Variants in CYTH2 observed in about 807,000 individuals in gnomAD.
The protein encoded by CYTH2 is cytohesin-2.
Under a neutral mutation model 55.4 loss-of-function variants are expected in CYTH2, and 24 were observed. The ratio of observed to expected loss-of-function variants is 0.43; its 90% confidence interval spans 0.31 to 0.61. The LOEUF is 0.61. Among genes scored for constraint, CYTH2 ranks in the 20% least tolerant of loss-of-function variants. The probability of loss-of-function intolerance (pLI) is 0.08; values close to 1 mark genes in which losing one functional copy is unlikely to be tolerated. For synonymous variants in CYTH2, 221 were observed against 209.6 expected (o/e 1.05, Z -0.47); for missense variants, 378 against 533.5 (o/e 0.71, Z 2.87).
chr19:48,473,869 G>A (rs1215901927), intron 5 of CYTH2, 36 bp from the exon 6 acceptor site: 6 of 1,532,074 alleles, frequency 3.9e-6, no homozygotes, highest in Non-Finnish European at 4.4e-6. Flanking sequence ...GCTCCCACCA[G>A]CCCTGGCATC....
intron 4 of CYTH2, 28 bp downstream of exon 4, chr19:48,472,471 G>GCCCCC: frequency 1.9e-6 from 3 of 1,584,668 alleles, no homozygotes; most frequent in Admixed American, 1.7e-5. Context: ...CTCCTGTGGG[G>GCCCCC]CCCCTCCCTC....
At chr19:48,475,128 G>A in intron 8 of CYTH2, 179 bp downstream of exon 8, 1 of 597,712 alleles carries the variant, frequency 1.7e-6, no homozygotes, top group Non-Finnish European at 2.9e-6. Flanking sequence ...CCTGTGTGCT[G>A]GGCCTGGCCT....
In CYTH2 at chr19:48,473,878, TC is replaced by T. The variant is rs760748383; in HGVS notation, c.435-25del. 1.9e-6 allele frequency: 3 copies of T among 1,556,982 alleles called. No individual in the cohort carries two copies. The South Asian group carries it at 3.6e-5, about 19-fold the overall frequency. On this transcript the variant is annotated intron_variant, in intron 5 of 11. Transcript: ENST00000452733. ...GGACAGGCTCCCACCAGCCCTGGCATCCATTCCTGGCCCCTCCCCAACCCAG... is the reference window on the plus strand; with the variant it reads ...GGACAGGCTCCCACCAGCCCTGGCATCATTCCTGGCCCCTCCCCAACCCAG...
chr19:48,475,229 G>C, intron 8 of CYTH2: 1 of 418,364 alleles, frequency 2.4e-6, no homozygotes, highest in Non-Finnish European at 4.3e-6. Flanking sequence ...AGGAGGCAGT[G>C]AGAGGCAGCT....
intron 10 of CYTH2, 40 bp from the exon 11 acceptor site, chr19:48,478,398 G>A: frequency 1.9e-6 from 3 of 1,613,442 alleles, no homozygotes; most frequent in African/African-American, 1.3e-5. Flanking sequence ...CCTCTGCCCA[G>A]GGCTGGTTCT....
chr19:48,470,833 A>G (rs1971778476), intron 3 of CYTH2, among the ~76,000 whole-genome samples, 164 bp downstream of exon 3: 1 of 152,164 alleles, frequency 6.6e-6, no homozygotes, highest in African/African-American at 2.4e-5. Flanking sequence ...TTTTCTGAAC[A>G]CTGAACACTG....
intron 3 of CYTH2, 136 bp downstream of exon 3, chr19:48,470,805 A>T: frequency 6.7e-6 from 6 of 892,388 alleles, no homozygotes; most frequent in Non-Finnish European, 1.0e-5. Context: ...CTGGATTCAG[A>T]TACTGGCTGT....
At position 48,479,365 on chromosome 19, in the gene CYTH2, C is replaced by T; in HGVS notation, c.*155C>T. ...TTGTAATTAACACGCTGTTGGTAATCTTATTAATTATTTAACCACTTGGCC... is the reference window on the plus strand; with the variant it reads ...TTGTAATTAACACGCTGTTGGTAATTTTATTAATTATTTAACCACTTGGCC... On this transcript the variant is annotated 3_prime_UTR_variant, in exon 12 of 12. Transcript: ENST00000452733. 2 of 701,860 alleles carry T rather than the reference C, an allele frequency of 2.8e-6. No homozygotes were observed. The highest frequency in any genetic ancestry group is 2.8e-5 in the East Asian group (1 of 36,242). 43.5% of individuals were successfully genotyped at this position (701,860 alleles called of 1,614,324 possible).
intron 1 of CYTH2, 185 bp downstream of exon 1, chr19:48,469,711 G>A (rs1971744768): frequency 2.0e-6 from 2 of 982,296 alleles, no homozygotes; most frequent in Admixed American, 3.1e-5. Flanking sequence ...GGGCGTTCCA[G>A]GCCATTGTTT....
At chr19:48,477,625 T>G in intron 8 of CYTH2, 1 of 176,280 alleles carries the variant, frequency 5.7e-6, no homozygotes, top group Non-Finnish European at 1.2e-5. Context: ...CCCACCCTGT[T>G]TCTGTCGCCT....
chr19:48,474,976 C>T lies in CYTH2; in HGVS notation c.808+27C>T. On this transcript the variant is annotated intron_variant, in intron 8 of 11. Coordinates refer to ENST00000452733, the MANE Select transcript of CYTH2 (RefSeq NM_004228.7). This position sits in a 1 kb window ranked among gnomAD's most constrained non-coding sequence, Gnocchi z 4.9. ...TACGTGCCCTCCCGACCCCGCTGGT[C>T]CCTCCGCAGGAGGACATTTGTGGGC... 1 of 1,604,280 alleles carries T rather than the reference C, an allele frequency of 6.2e-7. No individual in the cohort carries two copies. Among genetic ancestry groups the T allele is most frequent in the Non-Finnish European group, 8.5e-7 (1 of 1,171,986 alleles).
Position 48,473,892 on chromosome 19 carries a change from C to T in CYTH2, c.435-13C>T, listed in dbSNP as rs573120638. 2 of 1,590,594 alleles carry T rather than the reference C, an allele frequency of 1.3e-6. No individual in the cohort carries two copies. The highest frequency in any genetic ancestry group is 2.7e-5 in the African/African-American group (2 of 74,182). ...CAGCCCTGGCATCCATTCCTGGCCCCTCCCCAACCCAGGCAGTTTCTATGG... is the reference window on the plus strand; with the variant it reads ...CAGCCCTGGCATCCATTCCTGGCCCTTCCCCAACCCAGGCAGTTTCTATGG... On this transcript the variant is annotated splice_polypyrimidine_tract_variant and intron_variant, in intron 5 of 11. Transcript: ENST00000452733.
At chr19:48,476,009 G>T (rs756705386) in intron 8 of CYTH2, 1 of 519,660 alleles carries the variant, frequency 1.9e-6, no homozygotes, top group South Asian at 1.4e-5. Context: ...GGGAGTCAAG[G>T]TCAGGCTTCT....
rs1244151389 is a variant in CYTH2, at chr19:48,479,314, C to G, written c.*104C>G. The G allele has an allele frequency of 1.8e-6, 2 of 1,118,974 alleles. No individual in the cohort carries two copies. Among genetic ancestry groups the G allele is most frequent in the African/African-American group, 3.1e-5 (2 of 64,584 alleles). 69.3% of individuals were successfully genotyped at this position (1,118,974 alleles called of 1,614,324 possible). Reference sequence around the variant, plus strand: ...ATCCTGGTTCCCTGTTTGGAAAATTCACCACCTCTAGCTCCTCACTGTTCT... The same window carrying G: ...ATCCTGGTTCCCTGTTTGGAAAATTGACCACCTCTAGCTCCTCACTGTTCT... On this transcript the variant is annotated 3_prime_UTR_variant, in exon 12 of 12. Coordinates refer to ENST00000452733, the MANE Select transcript of CYTH2 (RefSeq NM_004228.7).
chr19:48,469,844 G>A lies in CYTH2; in HGVS notation c.19+318G>A, dbSNP rs1971750274. Reference sequence around the variant, plus strand: ...CAGCGCCTGCCGGGGCCGGGGAGGGGCGCTTGGGTTGCGGGGAGGGGAGAA... The same window carrying A: ...CAGCGCCTGCCGGGGCCGGGGAGGGACGCTTGGGTTGCGGGGAGGGGAGAA... On this transcript the variant is annotated intron_variant, in intron 1 of 11. Transcript: ENST00000452733. 1.4e-5 allele frequency: 8 copies of A among 562,720 alleles called. No individual in the cohort carries two copies. In the South Asian group the frequency reaches 1.4e-4, roughly 10 times the overall value. The allele number at this position is 562,720 out of a possible 1,614,324, so 34.9% of individuals were successfully genotyped here.
intron 8 of CYTH2, chr19:48,477,750 C>T (rs749357749): frequency 1.0e-5 from 4 of 394,636 alleles, no homozygotes; most frequent in Non-Finnish European, 1.8e-5. Flanking sequence ...TGTCTCCCAT[C>T]ACTAGACGAG....
intron 8 of CYTH2, chr19:48,477,418 A>AC (rs1971936269): frequency 6.5e-6 from 1 of 153,646 alleles, no homozygotes; most frequent in Non-Finnish European, 1.4e-5. Flanking sequence ...GGGGCCCTGT[A>AC]CCGAAGCAAG....
chr19:48,474,299 A>C lies in CYTH2; in HGVS notation c.665A>C (p.Glu222Ala). 6.2e-7 allele frequency: 1 copy of C among 1,612,302 alleles called. No homozygotes were observed. The highest frequency in any genetic ancestry group is 8.5e-7 in the Non-Finnish European group (1 of 1,179,026). ...GTGGCCATGAACCGGGGCATCAACG[A>C]GGGCGGGGACCTGCCTGAGGAGCTG... ...RFVAMNRGIN[E>A]GGDLPEELLR... is the part of the protein sequence containing the mutation. Residue 222 changes from glutamate to alanine, a missense_variant, in exon 7 of 12, where the codon GAG becomes GCG. Glu to Ala is a moderately radical substitution (Grantham distance 107). Coordinates refer to ENST00000452733, the MANE Select transcript of CYTH2 (RefSeq NM_004228.7). The surrounding 1 kb of genome is among the most constrained non-coding windows in gnomAD (Gnocchi z 4.9).
intron 5 of CYTH2, 30 bp from the exon 6 acceptor site, chr19:48,473,875 G>A: frequency 6.5e-7 from 1 of 1,545,598 alleles, no homozygotes; most frequent in Non-Finnish European, 8.8e-7. Context: ...ACCAGCCCTG[G>A]CATCCATTCC....
Sources: allele counts gnomAD v4.1 joint callset (sites outside exome capture counted in the v4.1 genomes callset), GRCh38; gene constraint gnomAD v4.1.1; non-coding constraint Gnocchi (gnomAD v3.1); transcripts MANE v1.5; gene names NCBI Gene and HGNC (gene_info 2026-07-23, HGNC 2026-07-21).